The following PDZD2 variants were observed in gnomAD, a reference collection of about 807,000 sequenced individuals.
PDZD2 encodes PDZ domain containing 2, also known as PDZ domain-containing protein 2.
Under a neutral mutation model 220.7 loss-of-function variants are expected in PDZD2, and 90 were observed. The ratio of observed to expected loss-of-function variants is 0.41; its 90% CI spans 0.34 to 0.49. The LOEUF is 0.49. Among genes scored for constraint, PDZD2 ranks in the 20% least tolerant of loss-of-function variants. The probability of loss-of-function intolerance (pLI) is 0.28; values close to 1 mark genes in which losing one functional copy is unlikely to be tolerated. For missense variants in PDZD2, 3,174 were observed against 3,608.5 expected, an observed-to-expected ratio of 0.88 and a Z score of 3.08; for synonymous variants, 1,375 against 1,450.5, an observed-to-expected ratio of 0.95 and a Z score of 1.18.
chr5:31,663,386 A>C (rs1306807055), intron 1 of PDZD2, among the ~76,000 whole-genome samples: 1 of 152,202 alleles, frequency 6.6e-6, no homozygotes, highest in African/African-American at 2.4e-5. Flanking sequence ...CACTGCCCCA[A>C]ATGGCAAGAT....
chr5:31,709,582 G>A (rs1016134882), intron 1 of PDZD2, among the ~76,000 whole-genome samples: 1 of 152,150 alleles, frequency 6.6e-6, no homozygotes, highest in Non-Finnish European at 1.5e-5. Flanking sequence ...AGGGAAATGT[G>A]GGTTCAAAAG....
In PDZD2 at chr5:32,061,245, G is replaced by T. The variant is rs895076044; in HGVS notation, c.2451+111G>T. 3 of 947,318 alleles carry T rather than the reference G, an allele frequency of 3.2e-6. No individual in the cohort carries two copies. In the African/African-American group the frequency reaches 4.9e-5, roughly 15 times the overall value. The allele number at this position is 947,318 out of a possible 1,614,324, so 58.7% of individuals were successfully genotyped here. Reference sequence around the variant, plus strand: ...AGCTGGGGATAGGCAGGCAACCTACGGGTGGTTCATGTGGGAAATGAATCT... The same window carrying T: ...AGCTGGGGATAGGCAGGCAACCTACTGGTGGTTCATGTGGGAAATGAATCT... On this transcript the variant is annotated intron_variant, in intron 14 of 24. Transcript: ENST00000438447.
At chr5:32,029,069 G>C (rs971436235) in intron 6 of PDZD2, among the ~76,000 whole-genome samples, 2 of 152,060 alleles carry the variant, frequency 1.3e-5, no homozygotes, top group African/African-American at 4.8e-5. Context: ...AGCCTGGGCT[G>C]TTTTCCACAG....
chr5:32,093,121 G>T, intron 21 of PDZD2, 97 bp downstream of exon 21: 2 of 681,186 alleles, frequency 2.9e-6, no homozygotes, highest in Non-Finnish European at 5.3e-6. Flanking sequence ...AGCCCGCCCC[G>T]AGTCCTGGAG....
intron 1 of PDZD2, among the ~76,000 whole-genome samples, chr5:31,797,316 T>C (rs991799441): frequency 6.6e-6 from 1 of 151,850 alleles, no homozygotes; most frequent in Non-Finnish European, 1.5e-5. Context: ...GCTGTTAAAA[T>C]TGTAATGTAA....
At chr5:31,666,167 G>T (rs946055658) in intron 1 of PDZD2, among the ~76,000 whole-genome samples, 2 of 152,120 alleles carry the variant, frequency 1.3e-5, no homozygotes, top group South Asian at 4.1e-4. Flanking sequence ...ATCGAGGCAG[G>T]GCCCTTCCTA....
chr5:31,772,652 A>G (rs991619418), intron 1 of PDZD2, among the ~76,000 whole-genome samples: 1 of 152,208 alleles, frequency 6.6e-6, no homozygotes, highest in Non-Finnish European at 1.5e-5. Context: ...CAGACGCAAC[A>G]TTAGAATATA....
At chr5:31,769,041 A>C (rs1752192761) in intron 1 of PDZD2, among the ~76,000 whole-genome samples, 1 of 152,204 alleles carries the variant, frequency 6.6e-6, no homozygotes, top group Non-Finnish European at 1.5e-5. Context: ...ACTTAACAGC[A>C]GTGGGGATGG....
chr5:31,691,106 G>A (rs1454990573), intron 1 of PDZD2, among the ~76,000 whole-genome samples: 2 of 152,164 alleles, frequency 1.3e-5, no homozygotes, highest in South Asian at 2.1e-4. Context: ...TCTTAAAGTT[G>A]GCATGTCCTG....
intron 6 of PDZD2, among the ~76,000 whole-genome samples, chr5:32,026,390 C>T (rs542252993): frequency 4.6e-5 from 7 of 152,158 alleles, no homozygotes; most frequent in Non-Finnish European, 8.8e-5. Context: ...CGCCCGCCTC[C>T]GCCTCCCAAA....
intron 1 of PDZD2, among the ~76,000 whole-genome samples, chr5:31,674,543 T>C (rs761281782): frequency 6.6e-6 from 1 of 152,198 alleles, no homozygotes; most frequent in Non-Finnish European, 1.5e-5. Context: ...ACCGCTGAAT[T>C]GGGCAATTAG....
chr5:32,050,130 C>T (rs1159644448), intron 8 of PDZD2, among the ~76,000 whole-genome samples: 2 of 152,124 alleles, frequency 1.3e-5, no homozygotes, highest in East Asian at 1.9e-4. Flanking sequence ...GGGGTTTCAT[C>T]ATGTTGGCCA....
chr5:31,994,859 T>C (rs1189893553), intron 3 of PDZD2, among the ~76,000 whole-genome samples: 1 of 152,226 alleles, frequency 6.6e-6, no homozygotes, highest in East Asian at 1.9e-4. Context: ...TATCAACATT[T>C]ATTTACTGGG....
At chr5:31,826,387 T>A (rs1429475288) in intron 2 of PDZD2, among the ~76,000 whole-genome samples, 2 of 152,098 alleles carry the variant, frequency 1.3e-5, no homozygotes, top group African/African-American at 2.4e-5. Flanking sequence ...TACAAGATAT[T>A]TGAGGCCAGC....
rs1371821102 is a variant in PDZD2 at position 32,022,019 on chromosome 5, C to T, written c.1407+11537C>T. Among the ~76,000 whole-genome samples, 7 of 152,100 alleles carry T rather than the reference C, an allele frequency of 4.6e-5. No individual in the cohort carries two copies. In the East Asian group the frequency reaches 7.7e-4, roughly 17 times the overall value. ...CATTGTACGAATCAATGCTGGATGA[C>T]GGCCAGCCTGACATCTCCGTCCACA... is the stretch of plus-strand genomic sequence containing the variant. On this transcript the variant is annotated intron_variant, in intron 6 of 24. Transcript: ENST00000438447.
At chr5:31,815,196 G>A (rs1755359323) in intron 2 of PDZD2, among the ~76,000 whole-genome samples, 1 of 131,404 alleles carries the variant, frequency 7.6e-6, no homozygotes. Flanking sequence ...AGTGAGCTAA[G>A]ATCGCGCCAC....
chr5:31,905,230 C>G (rs1305040709), intron 2 of PDZD2, among the ~76,000 whole-genome samples: 1 of 152,150 alleles, frequency 6.6e-6, no homozygotes, highest in East Asian at 1.9e-4. Flanking sequence ...ATCCACCGCC[C>G]TCCTCAGCCT....
At position 32,091,109 on chromosome 5, in the gene PDZD2, C is replaced by A. The variant is rs977559658; in HGVS notation, c.7661C>A (p.Pro2554His). Residue 2554 changes from proline (P) to histidine (H), a missense_variant, in exon 20 of 25, where the codon CCC becomes CAC. Pro to His is a moderately conservative substitution (Grantham distance 77). Coordinates refer to ENST00000438447, the MANE Select transcript of PDZD2 (RefSeq NM_178140.4). Reference sequence around the variant, plus strand: ...CCTAAAACCAGTGCTGCTGAGACACCCAGTTCAGCCAGTGATACGGGTGAA... The same window carrying A: ...CCTAAAACCAGTGCTGCTGAGACACACAGTTCAGCCAGTGATACGGGTGAA... Reference protein sequence around the residue: ...SGPKTSAAETPSSASDTGEAA... With the variant: ...SGPKTSAAETHSSASDTGEAA... 1.3e-6 allele frequency: 2 copies of A among 1,599,754 alleles called. No individual in the cohort carries two copies.
At position 32,095,600 on chromosome 5, in the gene PDZD2, A is replaced by G. The variant is rs1743593324; in HGVS notation, c.7846-1679A>G. Among the ~76,000 whole-genome samples, 3 of 152,118 alleles carry G rather than the reference A, an allele frequency of 2.0e-5. No homozygotes were observed. The South Asian group carries it at 6.2e-4, about 32-fold the overall frequency. Reference sequence around the variant, plus strand: ...CTGTGCTGAGGCTCTCAGAGGCAAAATTTGGCGCAATAGTCAGCTTCTAGC... The same window carrying G: ...CTGTGCTGAGGCTCTCAGAGGCAAAGTTTGGCGCAATAGTCAGCTTCTAGC... On this transcript the variant is annotated intron_variant, in intron 21 of 24. Coordinates refer to ENST00000438447, the MANE Select transcript of PDZD2 (RefSeq NM_178140.4).
Sources: gnomAD v4.1 joint callset for allele counts (sites outside exome capture counted in the v4.1 genomes callset) on GRCh38, gnomAD v4.1.1 for gene constraint, MANE v1.5 for transcripts, NCBI Gene and HGNC (gene_info 2026-07-23, HGNC 2026-07-21) for gene names.